Variants in KCNC2 observed in about 807,000 individuals in gnomAD.
KCNC2 encodes voltage-gated potassium channel KCNC2.
KCNC2 carries 21 observed loss-of-function variants against 44.5 expected under a neutral mutation model. The ratio of observed to expected loss-of-function variants is 0.47; its 90% CI spans 0.33 to 0.68. KCNC2 has a LOEUF of 0.68. Ranked by LOEUF, KCNC2 falls within the 30% of genes least tolerant of loss-of-function variation. The probability of loss-of-function intolerance (pLI) is 0.01; values close to 1 mark genes in which losing one functional copy is unlikely to be tolerated. For synonymous variants in KCNC2, 391 were observed against 339.1 expected (o/e 1.15, Z -1.68); for missense variants, 589 against 826.2 (o/e 0.71, Z 3.52).
At chr12:75,086,469 T>C (rs1236471431) in intron 2 of KCNC2, among the ~76,000 whole-genome samples, 1 of 151,906 alleles carries the variant, frequency 6.6e-6, no homozygotes, top group Non-Finnish European at 1.5e-5. Context: ...TTTTACCTTC[T>C]TCGTGTGTCT....
intron 2 of KCNC2, among the ~76,000 whole-genome samples, chr12:75,191,256 C>A (rs2030180857): frequency 2.6e-5 from 4 of 151,624 alleles, no homozygotes; most frequent in Non-Finnish European, 1.5e-5. Flanking sequence ...TAAAAAAAAT[C>A]CTACGTATGC....
chr12:75,058,542 T>C (rs1881985648), intron 2 of KCNC2, among the ~76,000 whole-genome samples: 3 of 151,870 alleles, frequency 2.0e-5, no homozygotes, highest in African/African-American at 7.3e-5. Context: ...GTGATGGAGG[T>C]GAAGGGAGGT....
chr12:75,191,214 G>T (rs2030175397), intron 2 of KCNC2, among the ~76,000 whole-genome samples: 1 of 151,456 alleles, frequency 6.6e-6, no homozygotes, highest in Non-Finnish European at 1.5e-5. Flanking sequence ...CAAATGAAAA[G>T]GTACTATGTT....
chr12:75,041,009 A>C lies in KCNC2; in HGVS notation c.*2096T>G, dbSNP rs1879834074. 1.1e-6 allele frequency: 1 copy of C among 946,792 alleles called. No individual in the cohort carries two copies. Among genetic ancestry groups the C allele is most frequent in the African/African-American group, 1.6e-5 (1 of 62,226 alleles). 58.6% of individuals were successfully genotyped at this position (946,792 alleles called of 1,614,324 possible). On this transcript the variant is annotated 3_prime_UTR_variant, in exon 5 of 5. Transcript: ENST00000549446. ...CAAGCAGAGCACTCTCATGGGGAGC[A>C]CCAGATGAGTTCCAGCCGCAGTTCT...
In KCNC2 at chr12:75,137,020, C is replaced by G. The variant is rs185186788; in HGVS notation, c.687+70277G>C. Among the ~76,000 whole-genome samples, 48 of 152,208 alleles carry G rather than the reference C, an allele frequency of 3.2e-4. No individual in the cohort carries two copies. The East Asian group carries it at 8.5e-3, about 27-fold the overall frequency. On this transcript the variant is annotated intron_variant, in intron 2 of 4. Transcript: ENST00000549446. ...TGCTCTATTTTCCTCTTATTCCTTCCCAACTCTTCTTCAACTCACTACAAT... is the reference window on the plus strand; with the variant it reads ...TGCTCTATTTTCCTCTTATTCCTTCGCAACTCTTCTTCAACTCACTACAAT...
intron 2 of KCNC2, among the ~76,000 whole-genome samples, chr12:75,173,544 A>G (rs1387816213): frequency 1.3e-5 from 2 of 151,816 alleles, no homozygotes; most frequent in Non-Finnish European, 2.9e-5. Flanking sequence ...AGCACTTCCT[A>G]TTTTTCATAC....
chr12:75,190,199 T>G (rs2030058644), intron 2 of KCNC2, among the ~76,000 whole-genome samples: 1 of 152,212 alleles, frequency 6.6e-6, no homozygotes, highest in African/African-American at 2.4e-5. Context: ...GGTCATATCC[T>G]TTGATTGTCC....
chr12:75,197,708 G>T (rs1252580417), intron 2 of KCNC2, among the ~76,000 whole-genome samples: 10 of 151,794 alleles, frequency 6.6e-5, no homozygotes, highest in Non-Finnish European at 1.3e-4. Context: ...TTCTTTCCCA[G>T]TTTGTTTAGT....
chr12:75,108,699 C>T (rs968065087), intron 2 of KCNC2, among the ~76,000 whole-genome samples: 12 of 152,112 alleles, frequency 7.9e-5, no homozygotes, highest in Non-Finnish European at 1.2e-4. Context: ...ATTATCTTTG[C>T]CTAAATCCAT....
chr12:75,161,302 C>T (rs1338074766), intron 2 of KCNC2, among the ~76,000 whole-genome samples: 2 of 151,578 alleles, frequency 1.3e-5, no homozygotes, highest in Non-Finnish European at 3.0e-5. Flanking sequence ...TAGAAATACA[C>T]TTTTAAAATA....
chr12:75,193,019 A>G (rs1276497659), intron 2 of KCNC2, among the ~76,000 whole-genome samples: 2 of 152,142 alleles, frequency 1.3e-5, no homozygotes, highest in African/African-American at 4.8e-5. Flanking sequence ...GTACCCTATA[A>G]ATATCTACAA....
At chr12:75,183,190 T>G (rs570564277) in intron 2 of KCNC2, among the ~76,000 whole-genome samples, 11 of 152,216 alleles carry the variant, frequency 7.2e-5, no homozygotes, top group Non-Finnish European at 1.5e-4. Context: ...GTCACTCCAC[T>G]ACTAGAATTT....
chr12:75,075,926 T>C (rs1439596898), intron 2 of KCNC2, among the ~76,000 whole-genome samples: 1 of 152,160 alleles, frequency 6.6e-6, no homozygotes, highest in Non-Finnish European at 1.5e-5. Context: ...TGACCTATTC[T>C]GAACTACAAA....
chr12:75,190,605 CTAAGA>C (rs745687326), intron 2 of KCNC2, among the ~76,000 whole-genome samples: 37 of 152,208 alleles, frequency 2.4e-4, no homozygotes, highest in Admixed American at 9.8e-4. Flanking sequence ...GTGTACTAAG[CTAAGA>C]TAACTTTCTT....
At position 75,200,295 on chromosome 12, in the gene KCNC2, A is replaced by G. The variant is rs75401509; in HGVS notation, c.687+7002T>C. ...CTAGCCCTGCCATTGTCGTTAACTT[A>G]TCATGGCTGAAACATGTCAGTTGTC... On this transcript the variant is annotated intron_variant, in intron 2 of 4. Transcript: ENST00000549446. 3.7e-3 allele frequency among the ~76,000 whole-genome samples: 567 copies of G among 151,984 alleles called. 1 individual carries two copies. Among genetic ancestry groups the G allele is most frequent in the African/African-American group, 0.013 (534 of 41,532 alleles).
At chr12:75,046,206 C>T (rs1880490622) in intron 4 of KCNC2, among the ~76,000 whole-genome samples, 2 of 151,538 alleles carry the variant, frequency 1.3e-5, no homozygotes, top group Admixed American at 1.3e-4. Context: ...AATAAATTTT[C>T]AATGATGTTC....
intron 2 of KCNC2, among the ~76,000 whole-genome samples, chr12:75,152,361 C>T (rs1021276506): frequency 2.0e-4 from 31 of 151,724 alleles, no homozygotes; most frequent in African/African-American, 7.3e-4. Context: ...ATTAAAACAA[C>T]TGGTTTCCAA....
intron 2 of KCNC2, among the ~76,000 whole-genome samples, chr12:75,086,333 C>T (rs1051897566): frequency 2.0e-5 from 3 of 151,964 alleles, no homozygotes; most frequent in African/African-American, 7.2e-5. Flanking sequence ...CATCTGTAGT[C>T]CCTGTTATTT....
intron 2 of KCNC2, among the ~76,000 whole-genome samples, chr12:75,119,569 C>T (rs557945754): frequency 7.9e-5 from 12 of 152,110 alleles, no homozygotes; most frequent in Non-Finnish European, 1.5e-4. Context: ...GAATTTGAAA[C>T]CAGTTCAACT....
Sources: allele counts gnomAD v4.1 joint callset (sites outside exome capture counted in the v4.1 genomes callset), GRCh38; gene constraint gnomAD v4.1.1; transcripts MANE v1.5; gene names NCBI Gene and HGNC (gene_info 2026-07-23, HGNC 2026-07-21).